Variants in HS3ST4 observed in about 807,000 individuals in gnomAD.
HS3ST4 encodes the protein heparan sulfate glucosamine 3-O-sulfotransferase 4.
Under a neutral mutation model 29.2 loss-of-function variants are expected in HS3ST4, and 17 were observed. The observed-to-expected ratio is 0.58, with a 90% CI of 0.40 to 0.87. The LOEUF (loss-of-function observed/expected upper bound fraction) is 0.87, where lower values mean the gene tolerates loss of function less well. Among genes scored for constraint, HS3ST4 ranks in the 40% least tolerant of loss-of-function variants. The pLI is 0.00. For missense variants in HS3ST4, 627 were observed against 634.5 expected (o/e 0.99, Z 0.13); for synonymous variants, 314 against 285.7 (o/e 1.10, Z -1.00).
At chr16:25,946,181 G>A (rs1029509194) in intron 1 of HS3ST4, among the ~76,000 whole-genome samples, 5 of 152,206 alleles carry the variant, frequency 3.3e-5, no homozygotes. Context: ...ACATCCAGAT[G>A]TTTTCATCCT....
chr16:25,857,541 G>C (rs981342037), intron 1 of HS3ST4, among the ~76,000 whole-genome samples: 1 of 152,116 alleles, frequency 6.6e-6, no homozygotes, highest in African/African-American at 2.4e-5. Flanking sequence ...GTGAGACGAG[G>C]CTGTAGTTTT....
At chr16:25,827,777 G>A (rs911665203) in intron 1 of HS3ST4, among the ~76,000 whole-genome samples, 4 of 151,938 alleles carry the variant, frequency 2.6e-5, no homozygotes, top group African/African-American at 9.7e-5. Context: ...AGTCAATCTG[G>A]CCTACTATGT....
chr16:25,719,482 A>C (rs1478333619), intron 1 of HS3ST4, among the ~76,000 whole-genome samples: 1 of 152,250 alleles, frequency 6.6e-6, no homozygotes, highest in Non-Finnish European at 1.5e-5. Flanking sequence ...GGACATTTAG[A>C]TTTCACTTCG....
chr16:25,836,517 CAAAT>C (rs1389265517), intron 1 of HS3ST4, among the ~76,000 whole-genome samples: 1 of 152,140 alleles, frequency 6.6e-6, no homozygotes. Flanking sequence ...ACAAATCTAA[CAAAT>C]AATTATAAAT....
intron 1 of HS3ST4, among the ~76,000 whole-genome samples, chr16:25,725,356 C>A (rs959675918): frequency 6.6e-6 from 1 of 152,094 alleles, no homozygotes; most frequent in African/African-American, 2.4e-5. Flanking sequence ...CCTTAGCCCC[C>A]GGTTTTTAAC....
chr16:26,040,175 A>G (rs1032735627), intron 1 of HS3ST4, among the ~76,000 whole-genome samples: 1 of 151,992 alleles, frequency 6.6e-6, no homozygotes, highest in Non-Finnish European at 1.5e-5. Flanking sequence ...TTCTCTGATT[A>G]TTACTGAAGT....
chr16:25,816,785 C>T (rs1967096341), intron 1 of HS3ST4, among the ~76,000 whole-genome samples: 1 of 152,146 alleles, frequency 6.6e-6, no homozygotes, highest in South Asian at 2.1e-4. Context: ...CTGGTGAGGG[C>T]TTTCTTGCTG....
chr16:25,795,280 G>T (rs557168166), intron 1 of HS3ST4, among the ~76,000 whole-genome samples: 1 of 151,566 alleles, frequency 6.6e-6, no homozygotes, highest in African/African-American at 2.4e-5. Flanking sequence ...CCCCCATCCC[G>T]CCTTTTCTTT....
intron 1 of HS3ST4, among the ~76,000 whole-genome samples, chr16:26,035,792 G>C (rs1969577388): frequency 6.6e-6 from 1 of 152,162 alleles, no homozygotes; most frequent in Admixed American, 6.5e-5. Flanking sequence ...TCCTGCCATT[G>C]ACTCTGTGTT....
At chr16:25,707,928 T>C (rs1966386948) in intron 1 of HS3ST4, among the ~76,000 whole-genome samples, 1 of 152,210 alleles carries the variant, frequency 6.6e-6, no homozygotes. Flanking sequence ...CACCTGCTAG[T>C]GGTAAGAGCA....
At chr16:25,831,880 A>C (rs114328386) in intron 1 of HS3ST4, among the ~76,000 whole-genome samples, 3,346 of 151,838 alleles carry the variant, frequency 0.022, 124 homozygotes, top group African/African-American at 0.075. Flanking sequence ...TCAAGGCAGG[A>C]GGATTGCTGG....
At chr16:25,781,947 T>C (rs981082582) in intron 1 of HS3ST4, among the ~76,000 whole-genome samples, 2 of 152,144 alleles carry the variant, frequency 1.3e-5, no homozygotes, top group Non-Finnish European at 2.9e-5. Flanking sequence ...AGTATATTAG[T>C]TTGTTTTCAT....
intron 1 of HS3ST4, among the ~76,000 whole-genome samples, chr16:26,007,376 A>AT: frequency 6.6e-6 from 1 of 152,206 alleles, no homozygotes; most frequent in East Asian, 1.9e-4. Context: ...GCAAAAGAGG[A>AT]TTCAGGATCA....
intron 1 of HS3ST4, among the ~76,000 whole-genome samples, chr16:25,866,581 C>A (rs908591191): frequency 3.9e-5 from 6 of 152,172 alleles, no homozygotes; most frequent in Non-Finnish European, 8.8e-5. Context: ...AGCATGTTCT[C>A]ACTCATAAGT....
Position 26,011,453 on chromosome 16 carries a change from G to A in HS3ST4, c.735-124159G>A, listed in dbSNP as rs145967314. ...CACACATCTGTAATCCTGGCTATTCGGGAGGCTGAGACACTAGAAGTGCTT... is the reference window on the plus strand; with the variant it reads ...CACACATCTGTAATCCTGGCTATTCAGGAGGCTGAGACACTAGAAGTGCTT... On this transcript the variant is annotated intron_variant, in intron 1 of 1. Coordinates refer to ENST00000331351, the MANE Select transcript of HS3ST4 (RefSeq NM_006040.3). 6.6e-3 allele frequency among the ~76,000 whole-genome samples: 1,005 copies of A among 152,252 alleles called. 14 individuals carry two copies. Among genetic ancestry groups the A allele is most frequent in the African/African-American group, 0.023 (946 of 41,538 alleles).
chr16:26,015,208 G>A (rs952692889), intron 1 of HS3ST4, among the ~76,000 whole-genome samples: 4 of 152,148 alleles, frequency 2.6e-5, no homozygotes, highest in Admixed American at 6.5e-5. Context: ...CTGCAAATTC[G>A]GGAGCTCACA....
intron 1 of HS3ST4, among the ~76,000 whole-genome samples, chr16:25,989,737 G>A (rs1969098355): frequency 6.6e-6 from 1 of 152,114 alleles, no homozygotes; most frequent in South Asian, 2.1e-4. Flanking sequence ...CACACCCAAA[G>A]ACCATATATT....
chr16:25,987,357 A>G (rs1969074974), intron 1 of HS3ST4, among the ~76,000 whole-genome samples: 1 of 152,168 alleles, frequency 6.6e-6, no homozygotes. Flanking sequence ...CTCAAAAAAA[A>G]AAAAAGCAAT....
At chr16:25,924,713 A>G (rs1437820550) in intron 1 of HS3ST4, among the ~76,000 whole-genome samples, 3 of 152,040 alleles carry the variant, frequency 2.0e-5, no homozygotes, top group Non-Finnish European at 4.4e-5. Context: ...TTTTCCCTCT[A>G]TTATAAAATG....
Sources: gnomAD v4.1 joint callset for allele counts (sites outside exome capture counted in the v4.1 genomes callset) on GRCh38, gnomAD v4.1.1 for gene constraint, MANE v1.5 for transcripts, NCBI Gene and HGNC (gene_info 2026-07-23, HGNC 2026-07-21) for gene names.